Variants in EYS observed in about 807,000 individuals in gnomAD.
The protein encoded by EYS is EGF-like photoreceptor maintenance factor, also known as protein eyes shut homolog.
EYS carries 250 observed loss-of-function variants against 282.1 expected under a neutral mutation model. The observed-to-expected ratio is 0.89, with a 90% CI of 0.80 to 0.98. The LOEUF (loss-of-function observed/expected upper bound fraction) is 0.98. EYS is among the 50% of genes least tolerant of loss of function. The pLI is 0.00. For synonymous variants in EYS, 1,355 were observed against 1,282.9 expected (o/e 1.06, Z -1.20); for missense variants, 4,016 against 3,709.0 (o/e 1.08, Z -2.15).
At chr6:65,119,543 T>C (rs1381159363) in intron 12 of EYS, among the ~76,000 whole-genome samples, 2 of 151,698 alleles carry the variant, frequency 1.3e-5, no homozygotes, top group East Asian at 3.9e-4. Flanking sequence ...CAATCTAGTA[T>C]TCCCAAGCAC....
At chr6:63,803,182 A>G (rs1770820801) in intron 37 of EYS, among the ~76,000 whole-genome samples, 1 of 150,916 alleles carries the variant, frequency 6.6e-6, no homozygotes, top group South Asian at 2.1e-4. Flanking sequence ...ATCAGGATTT[A>G]GAATATCTGT....
chr6:65,592,195 A>G (rs911319401), intron 2 of EYS, among the ~76,000 whole-genome samples: 51 of 152,150 alleles, frequency 3.4e-4, no homozygotes, highest in African/African-American at 1.2e-3. Flanking sequence ...GAACATTTTC[A>G]TAACTTTAAA....
intron 6 of EYS, 41 bp from the exon 7 acceptor site, chr6:65,402,646 A>G (rs202044011): frequency 2.1e-6 from 3 of 1,400,806 alleles, no homozygotes; most frequent in Non-Finnish European, 3.0e-6. Context: ...AGTATTATGG[A>G]TATTTCAAAG....
At chr6:64,687,997 C>T (rs1484244611) in intron 22 of EYS, among the ~76,000 whole-genome samples, 2 of 151,868 alleles carry the variant, frequency 1.3e-5, no homozygotes, top group African/African-American at 4.8e-5. Context: ...TCTAGATTTT[C>T]TAGTTTATTT....
chr6:64,695,021 T>C (rs9360028), intron 22 of EYS, among the ~76,000 whole-genome samples: 103,975 of 151,336 alleles, frequency 0.69, 36,745 homozygotes, highest in Non-Finnish European at 0.78. Flanking sequence ...GCATCTTTGG[T>C]TCATCAGTAG....
At chr6:65,650,931 G>A (rs1767629668) in intron 1 of EYS, among the ~76,000 whole-genome samples, 1 of 152,010 alleles carries the variant, frequency 6.6e-6, no homozygotes, top group South Asian at 2.1e-4. Flanking sequence ...CACCATAACA[G>A]GGATTATTTT....
intron 35 of EYS, among the ~76,000 whole-genome samples, chr6:63,876,356 T>C (rs1444340438): frequency 6.6e-6 from 1 of 152,238 alleles, no homozygotes; most frequent in Non-Finnish European, 1.5e-5. Context: ...ATAATTTCTG[T>C]TCTTTTACAT....
At chr6:65,251,402 A>C (rs1767319570) in intron 12 of EYS, among the ~76,000 whole-genome samples, 1 of 151,660 alleles carries the variant, frequency 6.6e-6, no homozygotes, top group Non-Finnish European at 1.5e-5. Flanking sequence ...AATTATAGAG[A>C]AAAAATTATT....
intron 35 of EYS, among the ~76,000 whole-genome samples, chr6:63,950,194 C>CAAAAAAAAAAAACAAAAAAAAACA (rs1765532307): frequency 7.7e-6 from 1 of 130,572 alleles, no homozygotes; most frequent in Non-Finnish European, 1.7e-5. Context: ...CAAAACAAAA[C>CAAAAAAAAAAAACAAAAAAAAACA]AAAAAAAAAA....
intron 28 of EYS, among the ~76,000 whole-genome samples, chr6:64,432,362 A>G (rs1329519855): frequency 6.6e-6 from 1 of 151,984 alleles, no homozygotes; most frequent in Non-Finnish European, 1.5e-5. Context: ...CTAAAATCCC[A>G]TAGATTAGGA....
chr6:63,982,785 G>A (rs1283416729), intron 35 of EYS, among the ~76,000 whole-genome samples: 1 of 151,666 alleles, frequency 6.6e-6, no homozygotes, highest in South Asian at 2.1e-4. Flanking sequence ...CCATAGTAGG[G>A]TATGTTCACC....
At chr6:64,401,770 C>G (rs1689769006) in intron 28 of EYS, among the ~76,000 whole-genome samples, 1 of 151,998 alleles carries the variant, frequency 6.6e-6, no homozygotes, top group African/African-American at 2.4e-5. Flanking sequence ...CATATTTATT[C>G]AAGTAATTTC....
At chr6:64,776,313 A>AGGAAATAGCTATAGGATAC (rs1305887240) in intron 22 of EYS, among the ~76,000 whole-genome samples, 4 of 152,084 alleles carry the variant, frequency 2.6e-5, no homozygotes, top group African/African-American at 9.7e-5. Flanking sequence ...TAAATTACTC[A>AGGAAATAGCTATAGGATAC]GGAAATAGCT....
intron 5 of EYS, among the ~76,000 whole-genome samples, chr6:65,440,736 G>A (rs1482004250): frequency 6.6e-6 from 1 of 150,696 alleles, no homozygotes; most frequent in Non-Finnish European, 1.5e-5. Context: ...GTATCGTTGA[G>A]AAATTTTTTT....
At chr6:65,028,675 C>T in intron 13 of EYS, among the ~76,000 whole-genome samples, 1 of 152,014 alleles carries the variant, frequency 6.6e-6, no homozygotes, top group Non-Finnish European at 1.5e-5. Flanking sequence ...ATCCTCAGTG[C>T]ATATCAGTGG....
intron 33 of EYS, among the ~76,000 whole-genome samples, chr6:64,034,371 A>G (rs1477486657): frequency 6.6e-6 from 1 of 152,174 alleles, no homozygotes; most frequent in Non-Finnish European, 1.5e-5. Flanking sequence ...GATGTAGGCA[A>G]TGTTATCTTA....
chr6:64,827,425 T>G (rs1765092627), intron 19 of EYS, among the ~76,000 whole-genome samples: 1 of 151,902 alleles, frequency 6.6e-6, no homozygotes, highest in Non-Finnish European at 1.5e-5. Context: ...AGCTCAGGGA[T>G]CATACCTATT....
At chr6:64,697,515 T>A (rs9354036) in intron 22 of EYS, among the ~76,000 whole-genome samples, 104,579 of 152,006 alleles carry the variant, frequency 0.69, 37,034 homozygotes, top group Non-Finnish European at 0.78. Context: ...CTTAACACTT[T>A]AACAGGACTT....
At chr6:63,994,568 T>C (rs796323867) in intron 34 of EYS, among the ~76,000 whole-genome samples, 1 of 151,970 alleles carries the variant, frequency 6.6e-6, no homozygotes, top group African/African-American at 2.4e-5. Context: ...TTATATTGAC[T>C]ATAATAACAA....
Sources: allele counts gnomAD v4.1 joint callset (sites outside exome capture counted in the v4.1 genomes callset), GRCh38; gene constraint gnomAD v4.1.1; transcripts MANE v1.5; gene names NCBI Gene and HGNC (gene_info 2026-07-23, HGNC 2026-07-21).